The following DCDC1 variants were observed in gnomAD, a reference collection of about 807,000 sequenced individuals.
DCDC1 encodes doublecortin domain containing 1.
In DCDC1, 200 loss-of-function variants were observed where a neutral mutation model predicts 178.3. The observed-to-expected ratio is 1.12, with a 90% confidence interval of 1.00 to 1.26. DCDC1 has a LOEUF of 1.26. Among genes scored for constraint, DCDC1 ranks in the 50% most tolerant of loss-of-function variants. The pLI is 0.00. For missense variants in DCDC1, 1,983 were observed against 1,749.2 expected (o/e 1.13, Z -2.38); for synonymous variants, 690 against 604.8 (o/e 1.14, Z -2.07).
At chr11:30,883,228 G>A (rs1454496415) in intron 36 of DCDC1, 1 of 163,424 alleles carries the variant, frequency 6.1e-6, no homozygotes, top group African/African-American at 2.4e-5. Flanking sequence ...ATGACAAGAG[G>A]AGAGAAGGTA....
In DCDC1 at chr11:30,917,154, AG is replaced by A. The variant is rs1945902891; in HGVS notation, c.3294-127del. 1.4e-5 allele frequency: 12 copies of A among 887,838 alleles called. No individual in the cohort carries two copies. The South Asian group carries it at 3.7e-4, about 28-fold the overall frequency. The allele number at this position is 887,838 out of a possible 1,614,324, so 55.0% of individuals were successfully genotyped here. A position where few individuals can be genotyped will look rare whatever the true frequency, so the allele number is the denominator to read the frequency against. ...TGGATCTATAAATCTTATTTCCATA[AG>A]GGTGCCTAATACTGGAAATTCACAT... On this transcript the variant is annotated intron_variant, in intron 25 of 38. Transcript: ENST00000684477.
intron 38 of DCDC1, among the ~76,000 whole-genome samples, chr11:30,871,887 TATATAC>T (rs1445209715): frequency 5.3e-5 from 8 of 152,006 alleles, no homozygotes; most frequent in East Asian, 3.9e-4. Flanking sequence ...TGTATACATA[TATATAC>T]ACATATATAT....
intron 9 of DCDC1, among the ~76,000 whole-genome samples, chr11:31,173,082 G>C (rs1172690327): frequency 6.6e-6 from 1 of 152,178 alleles, no homozygotes; most frequent in Non-Finnish European, 1.5e-5. Flanking sequence ...TGACCTCGAG[G>C]ATTATGTATC....
At chr11:31,142,565 G>A (rs1306045542) in intron 9 of DCDC1, among the ~76,000 whole-genome samples, 1 of 152,092 alleles carries the variant, frequency 6.6e-6, no homozygotes, top group Non-Finnish European at 1.5e-5. Flanking sequence ...CATAGAGAAG[G>A]TGTATTTTAG....
chr11:30,993,880 GAAT>G (rs1951111341), intron 20 of DCDC1, among the ~76,000 whole-genome samples: 1 of 152,048 alleles, frequency 6.6e-6, no homozygotes, highest in Non-Finnish European at 1.5e-5. Flanking sequence ...AGTTAATAAA[GAAT>G]AATACCAATG....
intron 16 of DCDC1, among the ~76,000 whole-genome samples, chr11:31,092,439 T>A (rs1207010769): frequency 6.6e-6 from 1 of 152,208 alleles, no homozygotes; most frequent in African/African-American, 2.4e-5. Context: ...ACTTTCTGTA[T>A]ACCAGACACC....
At chr11:30,866,777 T>A (rs1265802187) in intron 38 of DCDC1, among the ~76,000 whole-genome samples, 2 of 152,136 alleles carry the variant, frequency 1.3e-5, no homozygotes, top group Admixed American at 1.3e-4. Context: ...GGTCTGAATA[T>A]GACTTCCAAA....
At chr11:31,232,256 A>T (rs1975861898) in intron 9 of DCDC1, among the ~76,000 whole-genome samples, 1 of 152,234 alleles carries the variant, frequency 6.6e-6, no homozygotes, top group Non-Finnish European at 1.5e-5. Flanking sequence ...TCATGTAAAT[A>T]GAACAATTAT....
intron 20 of DCDC1, among the ~76,000 whole-genome samples, chr11:30,970,971 G>A (rs1184189778): frequency 2.0e-5 from 3 of 152,112 alleles, no homozygotes; most frequent in African/African-American, 7.2e-5. Context: ...CCAGAGGCCT[G>A]AGGTTGGGCC....
chr11:31,366,890 T>G (rs1951989011), intron 1 of DCDC1, among the ~76,000 whole-genome samples: 1 of 152,170 alleles, frequency 6.6e-6, no homozygotes, highest in South Asian at 2.1e-4. Context: ...TAACGAAGAA[T>G]GAGGGGTCTG....
intron 20 of DCDC1, among the ~76,000 whole-genome samples, chr11:31,037,496 G>T (rs1374874304): frequency 6.8e-6 from 1 of 147,586 alleles, no homozygotes; most frequent in Non-Finnish European, 1.5e-5. Context: ...GCAGTGGCGC[G>T]ATCTCGGCTC....
intron 8 of DCDC1, among the ~76,000 whole-genome samples, chr11:31,257,709 CACACACACACAT>C (rs1014142088): frequency 1.4e-4 from 21 of 151,776 alleles, no homozygotes; most frequent in South Asian, 4.2e-4. Flanking sequence ...CACACACACA[CACACACACACAT>C]ACACACACAC....
chr11:31,060,355 T>C (rs1955842912), intron 20 of DCDC1, among the ~76,000 whole-genome samples: 2 of 152,116 alleles, frequency 1.3e-5, no homozygotes, highest in African/African-American at 4.8e-5. Context: ...TAGGGCATGA[T>C]ATGCATTATT....
intron 20 of DCDC1, among the ~76,000 whole-genome samples, chr11:30,986,398 C>A (rs1024314517): frequency 6.7e-6 from 1 of 150,280 alleles, no homozygotes; most frequent in African/African-American, 2.5e-5. Flanking sequence ...AGTGGCATGA[C>A]CCTGGCTCAC....
At chr11:30,942,905 T>C (rs1399241934) in intron 21 of DCDC1, among the ~76,000 whole-genome samples, 5 of 152,222 alleles carry the variant, frequency 3.3e-5, no homozygotes, top group Admixed American at 6.5e-5. Context: ...GGTTCTTCCT[T>C]TAAGCTGCTT....
intron 9 of DCDC1, among the ~76,000 whole-genome samples, chr11:31,169,065 G>A (rs1212866955): frequency 6.6e-6 from 1 of 152,158 alleles, no homozygotes; most frequent in African/African-American, 2.4e-5. Context: ...AAAAAGGAAT[G>A]AGATTATGTC....
At chr11:30,942,649 G>A (rs1277552259) in intron 21 of DCDC1, among the ~76,000 whole-genome samples, 1 of 152,128 alleles carries the variant, frequency 6.6e-6, no homozygotes, top group Non-Finnish European at 1.5e-5. Context: ...TGCTGTCTTA[G>A]CTCCTAGCTA....
At position 30,892,820 on chromosome 11, in the gene DCDC1, C is replaced by A; in HGVS notation, c.5080G>T (p.Glu1694Ter). The part of the protein sequence containing the change: ...GTYAWGKTIS[E>*]LLQDCSSRLK... ...CACTCCTTTCACACTAGATTTACCT[C>A]TGAAATAGTTTTGCCCCAGGCATAA... Residue 1694 changes from glutamate (E) to a stop codon, truncating the protein, a stop_gained and splice_region_variant, in exon 36 of 39, where the codon GAG (glutamate) becomes TAG (stop). Coordinates refer to ENST00000684477, the MANE Select transcript of DCDC1 (RefSeq NM_001387274.1). LOFTEE classifies it high-confidence loss of function. 3 of 1,613,874 alleles carry A rather than the reference C, an allele frequency of 1.9e-6. No homozygotes were observed. Among genetic ancestry groups the A allele is most frequent in the Non-Finnish European group, 2.5e-6 (3 of 1,179,808 alleles).
At chr11:31,182,831 T>C (rs1292769975) in intron 9 of DCDC1, among the ~76,000 whole-genome samples, 1 of 151,988 alleles carries the variant, frequency 6.6e-6, no homozygotes, top group Non-Finnish European at 1.5e-5. Context: ...TCAAGACCCA[T>C]AGGTGTGCTG....
Sources: allele counts gnomAD v4.1 joint callset (sites outside exome capture counted in the v4.1 genomes callset), GRCh38; gene constraint gnomAD v4.1.1; transcripts MANE v1.5; gene names NCBI Gene and HGNC (gene_info 2026-07-23, HGNC 2026-07-21).